The following FUT9 variants were observed in gnomAD, a reference collection of about 807,000 sequenced individuals.
FUT9 encodes the protein 4-galactosyl-N-acetylglucosaminide 3-alpha-L-fucosyltransferase 9.
Under a neutral mutation model 29.7 loss-of-function variants are expected in FUT9, and 15 were observed. The ratio of observed to expected loss-of-function variants is 0.51; its 90% CI spans 0.34 to 0.78. FUT9 has a LOEUF of 0.78. Ranked by LOEUF, FUT9 falls within the 30% of genes least tolerant of loss-of-function variation. The pLI, the probability that FUT9 is intolerant of heterozygous loss-of-function variation, is 0.01. For missense variants in FUT9, 319 were observed against 425.4 expected (o/e 0.75, Z 2.20); for synonymous variants, 169 against 153.7 (o/e 1.10, Z -0.74).
intron 1 of FUT9, among the ~76,000 whole-genome samples, chr6:96,018,061 A>C (rs1276533108): frequency 2.0e-5 from 3 of 152,194 alleles, no homozygotes; most frequent in Non-Finnish European, 4.4e-5. Flanking sequence ...GGTTTTAAGT[A>C]AATGTGGATA....
intron 1 of FUT9, among the ~76,000 whole-genome samples, chr6:96,082,682 AT>A (rs1352985643): frequency 1.3e-5 from 2 of 151,834 alleles, no homozygotes; most frequent in African/African-American, 4.8e-5. Flanking sequence ...TTAGTTTTCA[AT>A]TTTCTTAAAA....
intron 2 of FUT9, among the ~76,000 whole-genome samples, chr6:96,182,284 CT>C (rs1319935499): frequency 6.6e-6 from 1 of 151,498 alleles, no homozygotes; most frequent in African/African-American, 2.4e-5. Flanking sequence ...TTTTTTCTTG[CT>C]AATTTGTTTG....
In FUT9 at chr6:96,110,677, AT is replaced by A. The variant is rs372099130; in HGVS notation, c.-97-3356del. The stretch of plus-strand genomic sequence containing the variant: ...CCTGAAGGCTTTTTTCCTATTGTGC[AT>A]TTTTTAAGGGTATCATTCTGTTGCC... On this transcript the variant is annotated intron_variant, in intron 1 of 2. Transcript: ENST00000302103. Among the ~76,000 whole-genome samples, 747 of 152,062 alleles carry A rather than the reference AT, an allele frequency of 4.9e-3. 5 individuals are homozygous for A. The highest frequency in any genetic ancestry group is 0.017 in the African/African-American group (695 of 41,486).
intron 1 of FUT9, among the ~76,000 whole-genome samples, chr6:96,054,546 G>C (rs918937480): frequency 1.3e-5 from 2 of 152,038 alleles, no homozygotes; most frequent in East Asian, 1.9e-4. Context: ...CTAAATAAAA[G>C]GGAAACACAC....
At position 96,084,910 on chromosome 6, in the gene FUT9, T is replaced by C. The variant is rs532574672; in HGVS notation, c.-97-29129T>C. Among the ~76,000 whole-genome samples the C allele has an allele frequency of 1.3e-4, 20 of 152,254 alleles. No homozygotes were observed. In the East Asian group the frequency reaches 3.3e-3, roughly 25 times the overall value. On this transcript the variant is annotated intron_variant, in intron 1 of 2. Coordinates refer to ENST00000302103, the MANE Select transcript of FUT9 (RefSeq NM_006581.4). ...TGTTTCGTGTGTGTCTATTATTTAA[T>C]TATTTTATATAAAGGATATTATGAT...
intron 1 of FUT9, among the ~76,000 whole-genome samples, chr6:96,108,615 G>A (rs1204831165): frequency 6.6e-6 from 1 of 152,084 alleles, no homozygotes; most frequent in Non-Finnish European, 1.5e-5. Flanking sequence ...CCTTGTGCAT[G>A]TCTTCCATTA....
chr6:96,182,832 G>A (rs1215639180), intron 2 of FUT9, among the ~76,000 whole-genome samples: 1 of 151,968 alleles, frequency 6.6e-6, no homozygotes, highest in Non-Finnish European at 1.5e-5. Context: ...AGGCTGTTCT[G>A]GTGACTATTG....
intron 1 of FUT9, among the ~76,000 whole-genome samples, chr6:96,027,465 T>C (rs949280897): frequency 2.6e-5 from 4 of 151,582 alleles, no homozygotes; most frequent in Admixed American, 2.6e-4. Flanking sequence ...TGCGTTCAGA[T>C]AGATGTCTGC....
rs1330237394 is a variant in FUT9 at position 96,208,934 on chromosome 6, T to C, written c.*4699T>C. 1.8e-5 allele frequency: 3 copies of C among 166,806 alleles called. No homozygotes were observed. The highest frequency in any genetic ancestry group is 2.9e-5 in the Non-Finnish European group (2 of 67,958). The allele number at this position is 166,806 out of a possible 1,614,324, so 10.3% of individuals were successfully genotyped here. A position where few individuals can be genotyped will look rare whatever the true frequency, so the allele number is the denominator to read the frequency against. On this transcript the variant is annotated 3_prime_UTR_variant, in exon 3 of 3. Transcript: ENST00000302103. ...TCTGGATGTCTCAATCTAGAGATTT[T>C]GTAGCATTTTGCAAATGGGTATGCT... is the stretch of plus-strand genomic sequence containing the variant.
At chr6:96,047,902 T>A (rs1770592288) in intron 1 of FUT9, among the ~76,000 whole-genome samples, 1 of 152,198 alleles carries the variant, frequency 6.6e-6, no homozygotes, top group African/African-American at 2.4e-5. Flanking sequence ...GGTAAGCTTA[T>A]TATCTTACAG....
intron 2 of FUT9, among the ~76,000 whole-genome samples, chr6:96,187,640 A>G (rs1477222016): frequency 6.6e-6 from 1 of 152,202 alleles, no homozygotes; most frequent in Non-Finnish European, 1.5e-5. Context: ...GACCTTATAT[A>G]GTAGCTTGAT....
At chr6:96,175,652 T>C (rs1373468056) in intron 2 of FUT9, among the ~76,000 whole-genome samples, 2 of 152,296 alleles carry the variant, frequency 1.3e-5, no homozygotes, top group African/African-American at 4.8e-5. Flanking sequence ...TCAAATATTA[T>C]GAAAAAATAA....
chr6:96,157,987 T>C (rs777402844), intron 2 of FUT9, among the ~76,000 whole-genome samples: 5 of 152,196 alleles, frequency 3.3e-5, no homozygotes, highest in Admixed American at 1.3e-4. Flanking sequence ...ATATCAATTA[T>C]ATTATCCAGT....
intron 1 of FUT9, among the ~76,000 whole-genome samples, chr6:96,094,089 C>T (rs544962344): frequency 7.2e-5 from 11 of 152,216 alleles, no homozygotes; most frequent in East Asian, 1.9e-4. Context: ...GTTTTGGATA[C>T]GCTGCATGTC....
At chr6:96,067,054 T>C (rs983108999) in intron 1 of FUT9, among the ~76,000 whole-genome samples, 2 of 151,944 alleles carry the variant, frequency 1.3e-5, no homozygotes, top group Admixed American at 1.3e-4. Context: ...TGTATATTGT[T>C]AAGGTTAAAA....
intron 1 of FUT9, among the ~76,000 whole-genome samples, chr6:96,108,827 C>T (rs192787011): frequency 6.6e-6 from 1 of 152,154 alleles, no homozygotes; most frequent in Admixed American, 6.5e-5. Flanking sequence ...ACACACACAC[C>T]GTTCATTTGT....
chr6:96,167,697 C>G (rs1773039052), intron 2 of FUT9, among the ~76,000 whole-genome samples: 1 of 152,130 alleles, frequency 6.6e-6, no homozygotes, highest in Non-Finnish European at 1.5e-5. Flanking sequence ...GTAAGGAATT[C>G]AGAGGGTGCC....
At chr6:96,171,742 C>T (rs1366753280) in intron 2 of FUT9, among the ~76,000 whole-genome samples, 1 of 152,094 alleles carries the variant, frequency 6.6e-6, no homozygotes. Context: ...ACTTTGAATC[C>T]TTCTACCTTA....
chr6:96,038,878 G>A (rs1770407092), intron 1 of FUT9, among the ~76,000 whole-genome samples: 1 of 152,074 alleles, frequency 6.6e-6, no homozygotes, highest in South Asian at 2.1e-4. Context: ...CTCTTCTTTA[G>A]CTTATGCTTT....
Sources: allele counts gnomAD v4.1 joint callset (sites outside exome capture counted in the v4.1 genomes callset), GRCh38; gene constraint gnomAD v4.1.1; transcripts MANE v1.5; gene names NCBI Gene and HGNC (gene_info 2026-07-23, HGNC 2026-07-21).